Variants in CALN1 observed in about 807,000 individuals in gnomAD.
CALN1 encodes calcium-binding protein 8.
CALN1 carries 17 observed loss-of-function variants against 30.6 expected under a neutral mutation model. That is an observed-to-expected ratio of 0.56 (90% confidence interval 0.38 to 0.83). The LOEUF is 0.83. CALN1 is among the 40% of genes least tolerant of loss of function. CALN1 has a pLI of 0.00. For synonymous variants in CALN1, 156 were observed against 131.4 expected, an observed-to-expected ratio of 1.19 and a Z score of -1.28; for missense variants, 291 against 354.9, an observed-to-expected ratio of 0.82 and a Z score of 1.45.
chr7:71,857,016 ATGTGTGTGTGTGTGTGTGTGTGTG>A (rs200594767), intron 5 of CALN1, among the ~76,000 whole-genome samples: 5 of 142,224 alleles, frequency 3.5e-5, no homozygotes, highest in African/African-American at 1.0e-4. Flanking sequence ...GTGTATATGT[ATGTGTGTGTGTGTGTGTGTGTGTG>A]TGTGTGTGTG....
intron 4 of CALN1, among the ~76,000 whole-genome samples, chr7:72,085,115 C>A (rs182191382): frequency 6.6e-6 from 1 of 152,258 alleles, no homozygotes; most frequent in East Asian, 1.9e-4. Flanking sequence ...TCAATAGCAG[C>A]CAAACGCTAT....
intron 2 of CALN1, among the ~76,000 whole-genome samples, chr7:72,363,678 G>A (rs1018146901): frequency 1.3e-5 from 2 of 151,020 alleles, no homozygotes; most frequent in Non-Finnish European, 2.9e-5. Flanking sequence ...ATATGTAGTA[G>A]CTAAATGTCT....
intron 2 of CALN1, among the ~76,000 whole-genome samples, chr7:72,352,685 A>G (rs1802996653): frequency 6.6e-6 from 1 of 152,158 alleles, no homozygotes; most frequent in African/African-American, 2.4e-5. Flanking sequence ...TTTACTTTAC[A>G]AAAAGATGAA....
At chr7:72,474,806 G>A in the CALN1 span, among the ~76,000 whole-genome samples, 2 of 152,054 alleles carry the variant, frequency 1.3e-5, no homozygotes, top group Admixed American at 6.6e-5. Context: ...GCCTCTTGCC[G>A]CTTCTGCACA....
the CALN1 span, among the ~76,000 whole-genome samples, chr7:72,485,833 T>G: frequency 2.0e-5 from 3 of 152,042 alleles, no homozygotes; most frequent in Non-Finnish European, 4.4e-5. Flanking sequence ...ATCGCACCAC[T>G]GCACTCCAGC....
intron 5 of CALN1, among the ~76,000 whole-genome samples, chr7:71,903,993 A>C (rs1451142712): frequency 6.6e-6 from 1 of 152,228 alleles, no homozygotes; most frequent in Non-Finnish European, 1.5e-5. Context: ...TCAAAACTGT[A>C]ATGAGATATC....
chr7:71,986,815 G>A (rs1798696080), intron 5 of CALN1, among the ~76,000 whole-genome samples: 1 of 152,148 alleles, frequency 6.6e-6, no homozygotes, highest in Non-Finnish European at 1.5e-5. Context: ...TGTTGTAGGA[G>A]TAAAATATTT....
intron 2 of CALN1, among the ~76,000 whole-genome samples, chr7:72,365,382 AAATC>A (rs1340883896): frequency 4.6e-5 from 7 of 152,192 alleles, no homozygotes; most frequent in Non-Finnish European, 1.0e-4. Flanking sequence ...CAGAACTTAT[AAATC>A]AGTGGGGAAA....
In CALN1 at chr7:72,257,507, G is replaced by T. The variant is rs142276136; in HGVS notation, c.244+21179C>A. On this transcript the variant is annotated intron_variant, in intron 3 of 6. Coordinates refer to ENST00000395275, the MANE Select transcript of CALN1 (RefSeq NM_031468.4). ...GTGAAAAGGGAACACTTCCAACGCT[G>T]CTGGTGAGAATGTAAACTAGTACAA... Among the ~76,000 whole-genome samples the T allele has an allele frequency of 1.3e-3, 202 of 152,312 alleles. 1 individual carries two copies. The highest frequency in any genetic ancestry group is 4.6e-3 in the African/African-American group (192 of 41,570).
chr7:72,234,871 A>G (rs941873145), intron 3 of CALN1, among the ~76,000 whole-genome samples: 4 of 152,200 alleles, frequency 2.6e-5, no homozygotes, highest in African/African-American at 9.6e-5. Context: ...ATGGGTGGAA[A>G]GCAATGGAAG....
chr7:72,343,684 GAC>G (rs1802485073), intron 2 of CALN1, among the ~76,000 whole-genome samples: 1 of 152,170 alleles, frequency 6.6e-6, no homozygotes, highest in Non-Finnish European at 1.5e-5. Flanking sequence ...GGTAAGCAGA[GAC>G]AGGTTAATTG....
chr7:71,846,288 G>C (rs141909741), intron 5 of CALN1, among the ~76,000 whole-genome samples: 1 of 152,270 alleles, frequency 6.6e-6, no homozygotes, highest in Non-Finnish European at 1.5e-5. Context: ...TTGCCGTTCT[G>C]ATTCTCTTAT....
rs1257824712 is a variant in CALN1 at position 71,897,970 on chromosome 7, AAC to A, written c.502-87480_502-87479del. Reference sequence around the variant, plus strand: ...GGAGTAGTGTTGGAAAAAAACAAAAAACAAAAAAAAAAAAAAAAAAAAGAGAG... The same window carrying A: ...GGAGTAGTGTTGGAAAAAAACAAAAAAAAAAAAAAAAAAAAAAAAAGAGAG... On this transcript the variant is annotated intron_variant, in intron 5 of 6. Coordinates refer to ENST00000395275, the MANE Select transcript of CALN1 (RefSeq NM_031468.4). Among the ~76,000 whole-genome samples the A allele has an allele frequency of 8.9e-3, 1,023 of 115,482 alleles. 73 individuals carry two copies. The highest frequency in any genetic ancestry group is 0.041 in the African/African-American group (969 of 23,536). 75.8% of individuals were successfully genotyped at this position (115,482 alleles called of 152,430 possible).
chr7:71,982,333 G>A (rs1282480865), intron 5 of CALN1, among the ~76,000 whole-genome samples: 1 of 152,192 alleles, frequency 6.6e-6, no homozygotes, highest in East Asian at 1.9e-4. Context: ...AGTGGCTTAC[G>A]CCTGTAATCC....
the CALN1 span, among the ~76,000 whole-genome samples, chr7:72,461,811 C>A: frequency 6.6e-6 from 1 of 152,084 alleles, no homozygotes; most frequent in Non-Finnish European, 1.5e-5. Context: ...AGTTTGAGAC[C>A]AGCCTGGCCA....
chr7:72,342,329 G>A (rs1041317157), intron 2 of CALN1, among the ~76,000 whole-genome samples: 5 of 151,490 alleles, frequency 3.3e-5, no homozygotes, highest in Admixed American at 2.6e-4. Flanking sequence ...GCAGTTTCTT[G>A]GTCTTCCCCA....
At chr7:72,032,052 CTTTTTTTTTTTT>C in intron 4 of CALN1, among the ~76,000 whole-genome samples, 1 of 66,576 alleles carries the variant, frequency 1.5e-5, no homozygotes, top group East Asian at 4.1e-4. Context: ...TGGCTCCTGG[CTTTTTTTTTTTT>C]TTTTTTTTTT....
intron 3 of CALN1, among the ~76,000 whole-genome samples, chr7:72,197,359 G>A (rs6978130): frequency 0.2 from 29,726 of 151,408 alleles, 3,036 homozygotes; most frequent in East Asian, 0.28. Flanking sequence ...ACACCACCAC[G>A]CATGGCTAAT....
chr7:72,365,235 G>A (rs1003628348), intron 2 of CALN1, among the ~76,000 whole-genome samples: 6 of 152,098 alleles, frequency 3.9e-5, no homozygotes, highest in Non-Finnish European at 7.4e-5. Context: ...AACCCAGGAG[G>A]GTTCAGCAAG....
Sources: gnomAD v4.1 joint callset for allele counts (sites outside exome capture counted in the v4.1 genomes callset) on GRCh38, gnomAD v4.1.1 for gene constraint, MANE v1.5 for transcripts, NCBI Gene and HGNC (gene_info 2026-07-23, HGNC 2026-07-21) for gene names.